The following MPPED1 variants were observed in gnomAD, a reference collection of about 807,000 sequenced individuals.
MPPED1 encodes metallophosphoesterase domain containing 1, also known as metallophosphoesterase domain-containing protein 1.
In MPPED1, 16 loss-of-function variants were observed where a neutral mutation model predicts 36.2. The observed-to-expected ratio is 0.44, with a 90% confidence interval of 0.30 to 0.67. The LOEUF is 0.67. Ranked by LOEUF, MPPED1 falls within the 30% of genes least tolerant of loss-of-function variation. The pLI is 0.10. For synonymous variants in MPPED1, 199 were observed against 191.3 expected (o/e 1.04, Z -0.33); for missense variants, 307 against 453.4 (o/e 0.68, Z 2.93).
intron 3 of MPPED1, among the ~76,000 whole-genome samples, chr22:43,466,781 G>C (rs1931187842): frequency 2.0e-5 from 3 of 152,168 alleles, no homozygotes; most frequent in Non-Finnish European, 4.4e-5. Context: ...GAACTAGACA[G>C]TCCTAAGTCT....
chr22:43,505,742 G>A lies in MPPED1; in HGVS notation c.*126G>A, dbSNP rs1247195735. 2.6e-6 allele frequency: 2 copies of A among 776,582 alleles called. No individual in the cohort carries two copies. Among genetic ancestry groups the A allele is most frequent in the Admixed American group, 2.5e-5 (1 of 39,866 alleles). The allele number at this position is 776,582 out of a possible 1,614,324, so 48.1% of individuals were successfully genotyped here. A position where few individuals can be genotyped will look rare whatever the true frequency, so the allele number is the denominator to read the frequency against. ...CTGCGGGGACTGGCCTAGCAGGCAG[G>A]TCAGGGCCTTGGAACGACTCTTTAG... is the stretch of plus-strand genomic sequence containing the variant. On this transcript the variant is annotated 3_prime_UTR_variant, in exon 7 of 7. Transcript: ENST00000443721.
At chr22:43,459,327 A>C (rs1930864549) in intron 3 of MPPED1, among the ~76,000 whole-genome samples, 1 of 152,186 alleles carries the variant, frequency 6.6e-6, no homozygotes, top group African/African-American at 2.4e-5. Flanking sequence ...GCTTCAAGTA[A>C]TCCACTCACC....
At chr22:43,422,907 G>T (rs890632197) in intron 1 of MPPED1, among the ~76,000 whole-genome samples, 24 of 152,102 alleles carry the variant, frequency 1.6e-4, no homozygotes. Flanking sequence ...CGCTGTCTCG[G>T]CTCACTGCAA....
In MPPED1 at chr22:43,474,312, G is replaced by A. The variant is rs1187660562; in HGVS notation, c.407-424G>A. Among the ~76,000 whole-genome samples the A allele has an allele frequency of 6.6e-6, 1 of 152,228 alleles. No homozygotes were observed. Among genetic ancestry groups the A allele is most frequent in the Non-Finnish European group, 1.5e-5 (1 of 68,044 alleles). ...ACTCTGCAGCTCAGCAGCCTGGGAG[G>A]AACCTGTCCAGCCTCTTCCCGATGA... On this transcript the variant is annotated intron_variant, in intron 3 of 6. Coordinates refer to ENST00000443721, the MANE Select transcript of MPPED1 (RefSeq NM_001044370.2). This position sits in a 1 kb window ranked among gnomAD's most constrained non-coding sequence, Gnocchi z 5.2.
intron 3 of MPPED1, among the ~76,000 whole-genome samples, chr22:43,456,823 A>G (rs892364893): frequency 5.3e-5 from 8 of 152,170 alleles, no homozygotes; most frequent in African/African-American, 1.7e-4. Flanking sequence ...TTAAATCATG[A>G]AAGGGTGTTT....
chr22:43,464,604 G>T (rs1931097161), intron 3 of MPPED1, among the ~76,000 whole-genome samples: 1 of 152,070 alleles, frequency 6.6e-6, no homozygotes, highest in South Asian at 2.1e-4. Flanking sequence ...GAGGCAAAGG[G>T]CATGGCTGCT....
At chr22:43,501,278 A>G (rs1048255929) in intron 5 of MPPED1, among the ~76,000 whole-genome samples, 15 of 152,132 alleles carry the variant, frequency 9.9e-5, no homozygotes, top group African/African-American at 3.6e-4. Flanking sequence ...CAGCAAAGGC[A>G]TCTTGTTCTC....
chr22:43,449,304 G>C (rs545232424), intron 3 of MPPED1, among the ~76,000 whole-genome samples: 13 of 152,242 alleles, frequency 8.5e-5, no homozygotes, highest in African/African-American at 3.1e-4. Flanking sequence ...CCACTTGACA[G>C]ATGAGGAGAC....
chr22:43,417,345 G>A (rs1929109093), intron 1 of MPPED1, among the ~76,000 whole-genome samples: 1 of 151,932 alleles, frequency 6.6e-6, no homozygotes, highest in African/African-American at 2.4e-5. Context: ...GATTGGGAAG[G>A]AGATCAAACA....
At chr22:43,496,268 G>T in intron 4 of MPPED1, among the ~76,000 whole-genome samples, 1 of 89,694 alleles carries the variant, frequency 1.1e-5, no homozygotes, top group Admixed American at 1.1e-4. Flanking sequence ...GGAGGTAGTG[G>T]TGGTGGAGAT....
intron 3 of MPPED1, among the ~76,000 whole-genome samples, chr22:43,440,160 C>A (rs904961334): frequency 6.6e-6 from 1 of 152,256 alleles, no homozygotes; most frequent in Admixed American, 6.5e-5. Context: ...GCCATGGTGA[C>A]CCCAGCAGGG....
At chr22:43,485,899 G>A (rs1306410247) in intron 4 of MPPED1, among the ~76,000 whole-genome samples, 19 of 152,252 alleles carry the variant, frequency 1.2e-4, no homozygotes, top group Admixed American at 1.2e-3. Flanking sequence ...GGGCTTTGGG[G>A]ACGCGTTGCC....
At position 43,415,675 on chromosome 22, in the gene MPPED1, G is replaced by C. The variant is rs9623833; in HGVS notation, c.-79+3517G>C. On this transcript the variant is annotated intron_variant, in intron 1 of 6. Coordinates refer to ENST00000443721, the MANE Select transcript of MPPED1 (RefSeq NM_001044370.2). ...CATCATCATAAATAGAAGCAGCTGCGGGAAAAAATAAATAAATAAAATTCT... is the reference window on the plus strand; with the variant it reads ...CATCATCATAAATAGAAGCAGCTGCCGGAAAAAATAAATAAATAAAATTCT... Among the ~76,000 whole-genome samples the C allele has an allele frequency of 9.2e-3, 1,395 of 152,124 alleles. 29 individuals are homozygous for C. Among genetic ancestry groups the C allele is most frequent in the African/African-American group, 0.032 (1,338 of 41,480 alleles).
chr22:43,443,809 C>T (rs1930235340), intron 3 of MPPED1, among the ~76,000 whole-genome samples: 1 of 152,104 alleles, frequency 6.6e-6, no homozygotes, highest in South Asian at 2.1e-4. Flanking sequence ...CTTGCAAAGA[C>T]TTGAGATTGA....
rs1326328079 is a variant in MPPED1 at position 43,474,147 on chromosome 22, G to A, written c.407-589G>A. 6.6e-6 allele frequency among the ~76,000 whole-genome samples: 1 copy of A among 152,218 alleles called. No homozygotes were observed. The highest frequency in any genetic ancestry group is 2.4e-5 in the African/African-American group (1 of 41,460). On this transcript the variant is annotated intron_variant, in intron 3 of 6. Coordinates refer to ENST00000443721, the MANE Select transcript of MPPED1 (RefSeq NM_001044370.2). The surrounding 1 kb of genome is among the most constrained non-coding windows in gnomAD (Gnocchi z 5.2). ...GGAAAGTGGAGGATAAAGAGTCCAA[G>A]ATACCCAGGGGGTGGGGGCCTGGGA...
At chr22:43,420,524 C>A (rs1442093720) in intron 1 of MPPED1, among the ~76,000 whole-genome samples, 1 of 152,122 alleles carries the variant, frequency 6.6e-6, no homozygotes, top group African/African-American at 2.4e-5. Flanking sequence ...TCTACCTCAC[C>A]CTCCCGAGTA....
rs1184114615 is a variant in MPPED1 at position 43,447,875 on chromosome 22, ATATATATATT to A, written c.406+12662_406+12671del. Among the ~76,000 whole-genome samples the A allele has an allele frequency of 4.0e-4, 16 of 40,088 alleles. 1 individual carries two copies. Among genetic ancestry groups the A allele is most frequent in the African/African-American group, 1.2e-3 (16 of 13,828 alleles). The allele number at this position is 40,088 out of a possible 152,430, so 26.3% of individuals were successfully genotyped here. ...ATGTAAATATTATATATATATATAT[ATATATATATT>A]TTTTTTTTTTTTAGACAAAGTCTCG... On this transcript the variant is annotated intron_variant, in intron 3 of 6. Coordinates refer to ENST00000443721, the MANE Select transcript of MPPED1 (RefSeq NM_001044370.2).
At chr22:43,477,701 C>T (rs1931620688) in intron 4 of MPPED1, among the ~76,000 whole-genome samples, 1 of 152,220 alleles carries the variant, frequency 6.6e-6, no homozygotes. Flanking sequence ...GCTGTCATCT[C>T]CCTGGACTTC....
At chr22:43,426,796 G>T (rs1601948804) in intron 2 of MPPED1, among the ~76,000 whole-genome samples, 2 of 152,214 alleles carry the variant, frequency 1.3e-5, no homozygotes, top group Admixed American at 6.5e-5. Flanking sequence ...GGCTAGTGTT[G>T]CCTGTGGCTG....
Sources: gnomAD v4.1 joint callset for allele counts (sites outside exome capture counted in the v4.1 genomes callset) on GRCh38, gnomAD v4.1.1 for gene constraint, Gnocchi (gnomAD v3.1) non-coding constraint, MANE v1.5 for transcripts, NCBI Gene and HGNC (gene_info 2026-07-23, HGNC 2026-07-21) for gene names.